The following DIAPH2 variants were observed in gnomAD, a reference collection of about 807,000 sequenced individuals.
DIAPH2 encodes diaphanous related formin 2.
Under a neutral mutation model 92.7 loss-of-function variants are expected in DIAPH2, and 35 were observed. That is an observed-to-expected ratio of 0.38 (90% confidence interval 0.29 to 0.50). The LOEUF (loss-of-function observed/expected upper bound fraction) is 0.50, where lower values mean the gene tolerates loss of function less well. DIAPH2 is among the 20% of genes least tolerant of loss of function. The probability of loss-of-function intolerance (pLI) is 0.94; values close to 1 mark genes in which losing one functional copy is unlikely to be tolerated. For synonymous variants in DIAPH2, 301 were observed against 280.4 expected (o/e 1.07, Z -0.73); for missense variants, 701 against 819.5 (o/e 0.86, Z 1.77).
chrX:97,359,811 C>T (rs924615303), intron 24 of DIAPH2, among the ~76,000 whole-genome samples: 1 of 109,874 alleles, frequency 9.1e-6, no homozygotes, highest in Admixed American at 9.8e-5. Context: ...CTCTGGACCT[C>T]GTAATCCACC....
At chrX:97,056,646 G>A (rs1262633681) in intron 17 of DIAPH2, among the ~76,000 whole-genome samples, 1 of 111,302 alleles carries the variant, frequency 9.0e-6, no homozygotes, top group Admixed American at 9.6e-5. Flanking sequence ...TCTATGTCTG[G>A]TATGCTTACC....
chrX:97,255,887 G>A (rs748383414), intron 23 of DIAPH2, among the ~76,000 whole-genome samples: 103 of 111,671 alleles, frequency 9.2e-4, no homozygotes, highest in African/African-American at 3.2e-3. Flanking sequence ...CTGAAATTAC[G>A]TACACTATGA....
At chrX:97,500,187 G>T (rs765689764) in intron 26 of DIAPH2, among the ~76,000 whole-genome samples, 1 of 111,743 alleles carries the variant, frequency 8.9e-6, no homozygotes, top group African/African-American at 3.2e-5. Context: ...GGTGTTTACT[G>T]CTCATGGGTT....
intron 17 of DIAPH2, among the ~76,000 whole-genome samples, chrX:97,058,576 A>T (rs752821618): frequency 4.8e-4 from 50 of 104,771 alleles, no homozygotes; most frequent in Non-Finnish European, 7.1e-4. Context: ...GGGACAATGA[A>T]CTCCCCTGTT....
intron 22 of DIAPH2, among the ~76,000 whole-genome samples, chrX:97,245,071 CAG>C: frequency 9.4e-6 from 1 of 106,756 alleles, no homozygotes; most frequent in East Asian, 2.9e-4. Flanking sequence ...AGCCTGGCGA[CAG>C]AGTGAGACTC....
Position 97,063,033 on chromosome X carries a change from C to CAAAA in DIAPH2, c.2051-9892_2051-9889dup, listed in dbSNP as rs56405925. Among the ~76,000 whole-genome samples the CAAAA allele has an allele frequency of 7.8e-3, 447 of 57,270 alleles. 4 individuals are homozygous for CAAAA. Among genetic ancestry groups the CAAAA allele is most frequent in the East Asian group, 0.033 (58 of 1,779 alleles). 49.7% of individuals were successfully genotyped at this position (57,270 alleles called of 115,157 possible). A position where few individuals can be genotyped will look rare whatever the true frequency, so the allele number is the denominator to read the frequency against. On this transcript the variant is annotated intron_variant, in intron 17 of 26. Transcript: ENST00000324765. ...TGAGCAATAGAGGGAAACTCTGTCT[C>CAAAA]AAAAAAAAAAAAAAAAAAAGAAGGA...
intron 25 of DIAPH2, among the ~76,000 whole-genome samples, chrX:97,391,595 C>T (rs2069659978): frequency 9.0e-6 from 1 of 111,077 alleles, no homozygotes; most frequent in Non-Finnish European, 1.9e-5. Context: ...TTACAAATAA[C>T]TTTTTAAAAA....
At position 96,795,498 on chromosome X, in the gene DIAPH2, T is replaced by A. The variant is rs182232505; in HGVS notation, c.447+37240T>A. 1.2e-3 allele frequency among the ~76,000 whole-genome samples: 135 copies of A among 111,881 alleles called. 1 individual carries two copies. Among genetic ancestry groups the A allele is most frequent in the African/African-American group, 4.2e-3 (131 of 30,852 alleles). On this transcript the variant is annotated intron_variant, in intron 4 of 26. Coordinates refer to ENST00000324765, the MANE Select transcript of DIAPH2 (RefSeq NM_006729.5). Reference sequence around the variant, plus strand: ...GTGATGTTCAAGTCTCCTATTTTTTTAAAAACTATTTTCTGTCTACTTATT... The same window carrying A: ...GTGATGTTCAAGTCTCCTATTTTTTAAAAAACTATTTTCTGTCTACTTATT...
rs1220981179 is a variant in DIAPH2 at position 97,021,630 on chromosome X, ATAAT to A, written c.2051-51306_2051-51303del. Among the ~76,000 whole-genome samples, 5 of 112,402 alleles carry A rather than the reference ATAAT, an allele frequency of 4.4e-5. No homozygotes were observed. In the East Asian group the frequency reaches 8.3e-4, roughly 19 times the overall value. ...ACGTAAAGGTGTATAAATGAAATTA[ATAAT>A]TAATAAATTAATGAAAAGTATAATA... On this transcript the variant is annotated intron_variant, in intron 17 of 26. Transcript: ENST00000324765.
At chrX:97,518,957 ATT>A (rs2070971301) in intron 26 of DIAPH2, among the ~76,000 whole-genome samples, 1 of 111,852 alleles carries the variant, frequency 8.9e-6, no homozygotes, top group Admixed American at 9.5e-5. Flanking sequence ...CTCAAAGGCA[ATT>A]TTGGATTTAA....
chrX:97,503,002 C>T (rs936455957), intron 26 of DIAPH2, among the ~76,000 whole-genome samples: 2 of 111,896 alleles, frequency 1.8e-5, no homozygotes, highest in Non-Finnish European at 3.8e-5. Context: ...ATATTGTATT[C>T]CAAGGAACTG....
intron 5 of DIAPH2, among the ~76,000 whole-genome samples, chrX:96,909,190 A>G (rs1161782616): frequency 8.9e-6 from 1 of 112,046 alleles, no homozygotes; most frequent in Non-Finnish European, 1.9e-5. Context: ...GATGATGTCA[A>G]TGCTGCTGAT....
chrX:97,256,797 T>C (rs2068240089), intron 23 of DIAPH2, among the ~76,000 whole-genome samples: 1 of 111,324 alleles, frequency 9.0e-6, no homozygotes, highest in African/African-American at 3.3e-5. Context: ...CCCGAGTAGC[T>C]GGGACTACAG....
intron 4 of DIAPH2, among the ~76,000 whole-genome samples, chrX:96,771,543 T>G (rs1030343698): frequency 2.1e-4 from 24 of 111,701 alleles, no homozygotes; most frequent in African/African-American, 7.5e-4. Flanking sequence ...ATGTCTTTTT[T>G]TGTGTGTTTT....
At chrX:97,105,422 G>C (rs148673965) in intron 20 of DIAPH2, among the ~76,000 whole-genome samples, 1 of 111,689 alleles carries the variant, frequency 9.0e-6, no homozygotes, top group Non-Finnish European at 1.9e-5. Context: ...ATCTTGTTTA[G>C]GGGGTAGATT....
chrX:97,373,931 G>A (rs1046867289), intron 24 of DIAPH2, among the ~76,000 whole-genome samples: 10 of 111,154 alleles, frequency 9.0e-5, no homozygotes, highest in African/African-American at 3.3e-4. Flanking sequence ...CAGAAGGAAC[G>A]CAAGTGTAAA....
At chrX:96,687,140 G>C (rs141517884) in intron 1 of DIAPH2, among the ~76,000 whole-genome samples, 1,920 of 111,766 alleles carry the variant, frequency 0.017, 35 homozygotes, top group African/African-American at 0.059. Flanking sequence ...TAAGAACTAT[G>C]GCATTACAAA....
intron 17 of DIAPH2, among the ~76,000 whole-genome samples, chrX:97,060,335 C>T (rs192649050): frequency 9.1e-4 from 102 of 112,261 alleles, no homozygotes; most frequent in Non-Finnish European, 1.6e-3. Context: ...ATGCTGTCTG[C>T]GACTATTAGC....
At chrX:96,795,691 T>G (rs2064533600) in intron 4 of DIAPH2, among the ~76,000 whole-genome samples, 1 of 112,018 alleles carries the variant, frequency 8.9e-6, no homozygotes, top group Non-Finnish European at 1.9e-5. Context: ...TCATAGATTG[T>G]ACTTCTTTAT....
Sources: allele counts gnomAD v4.1 joint callset (sites outside exome capture counted in the v4.1 genomes callset), GRCh38; gene constraint gnomAD v4.1.1; transcripts MANE v1.5; gene names NCBI Gene and HGNC (gene_info 2026-07-23, HGNC 2026-07-21).